Variants in CNTNAP5 observed in about 807,000 individuals in gnomAD.
CNTNAP5 encodes the protein contactin-associated protein-like 5.
A neutral mutation model predicts 150.2 loss-of-function variants in CNTNAP5; 72 were observed. The observed-to-expected ratio is 0.48, with a 90% CI of 0.40 to 0.58. The LOEUF (loss-of-function observed/expected upper bound fraction) is 0.58. CNTNAP5 is among the 20% of genes least tolerant of loss of function. The pLI is 0.00. For synonymous variants in CNTNAP5, 672 were observed against 619.8 expected, an observed-to-expected ratio of 1.08 and a Z score of -1.25; for missense variants, 1,636 against 1,626.2, an observed-to-expected ratio of 1.01 and a Z score of -0.10.
At chr2:124,036,097 T>C (rs1342394408) in intron 1 of CNTNAP5, among the ~76,000 whole-genome samples, 1 of 150,178 alleles carries the variant, frequency 6.7e-6, no homozygotes, top group African/African-American at 2.5e-5. Flanking sequence ...GCTAATTTTT[T>C]GTATTTTTAG....
intron 1 of CNTNAP5, among the ~76,000 whole-genome samples, chr2:124,095,973 A>T (rs1197526249): frequency 6.6e-6 from 1 of 152,192 alleles, no homozygotes; most frequent in Non-Finnish European, 1.5e-5. Context: ...TTGCATAGTG[A>T]GCAGATTGCA....
At chr2:124,155,041 G>A (rs904183888) in intron 1 of CNTNAP5, among the ~76,000 whole-genome samples, 2 of 150,866 alleles carry the variant, frequency 1.3e-5, no homozygotes, top group Non-Finnish European at 2.9e-5. Flanking sequence ...TTCATGGGGA[G>A]GGACTCTGCT....
chr2:124,898,074 C>T (rs1678343688), intron 21 of CNTNAP5, among the ~76,000 whole-genome samples: 1 of 151,016 alleles, frequency 6.6e-6, no homozygotes, highest in African/African-American at 2.5e-5. Flanking sequence ...AGTTTTCAAA[C>T]TGTTTGTCCC....
At chr2:124,778,549 G>T in intron 17 of CNTNAP5, 1 of 153,966 alleles carries the variant, frequency 6.5e-6, no homozygotes, top group South Asian at 2.1e-4. Flanking sequence ...TCAATACCCA[G>T]ACCGAGTTTG....
chr2:124,772,149 T>G (rs1464905456), intron 16 of CNTNAP5, among the ~76,000 whole-genome samples: 1 of 152,104 alleles, frequency 6.6e-6, no homozygotes, highest in Non-Finnish European at 1.5e-5. Context: ...CATTGTCATT[T>G]CACCATCATC....
chr2:124,459,970 C>T (rs1693209430), intron 6 of CNTNAP5, among the ~76,000 whole-genome samples: 1 of 152,110 alleles, frequency 6.6e-6, no homozygotes, highest in Non-Finnish European at 1.5e-5. Flanking sequence ...ATTGGTCAGG[C>T]TTTGGTCTTA....
At chr2:124,501,559 C>T (rs950109645) in intron 7 of CNTNAP5, among the ~76,000 whole-genome samples, 4 of 152,154 alleles carry the variant, frequency 2.6e-5, no homozygotes, top group South Asian at 2.1e-4. Context: ...CCTCAAATGC[C>T]GTCTTGAGAC....
chr2:124,568,580 C>T (rs1696083477), intron 11 of CNTNAP5, among the ~76,000 whole-genome samples: 1 of 152,170 alleles, frequency 6.6e-6, no homozygotes, highest in African/African-American at 2.4e-5. Flanking sequence ...TTTAATAACT[C>T]CAAATTATTT....
intron 1 of CNTNAP5, among the ~76,000 whole-genome samples, chr2:124,202,945 G>T (rs553495679): frequency 2.6e-5 from 4 of 152,058 alleles, no homozygotes; most frequent in South Asian, 4.2e-4. Flanking sequence ...TCATATCCTC[G>T]CATTTTAAAG....
intron 3 of CNTNAP5, among the ~76,000 whole-genome samples, chr2:124,341,319 A>G (rs1343821931): frequency 6.6e-6 from 1 of 152,124 alleles, no homozygotes; most frequent in Admixed American, 6.6e-5. Flanking sequence ...ATTGGTTCTG[A>G]AGCTGCTACT....
rs138492293 is a variant in CNTNAP5 at position 124,255,581 on chromosome 2, A to G, written c.381+13188A>G. Among the ~76,000 whole-genome samples, 39 of 45,550 alleles carry G rather than the reference A, an allele frequency of 8.6e-4. 1 individual carries two copies. The highest frequency in any genetic ancestry group is 2.8e-3 in the African/African-American group (36 of 12,676). 29.9% of individuals were successfully genotyped at this position (45,550 alleles called of 152,430 possible). On this transcript the variant is annotated intron_variant, in intron 3 of 23. Transcript: ENST00000682447. ...AAATAAAATAAAATAAAATAAAATA[A>G]AATAATAATTTTTTTTTAAAAAGTA...
chr2:124,850,510 C>T (rs1683132965), intron 19 of CNTNAP5, among the ~76,000 whole-genome samples: 1 of 152,174 alleles, frequency 6.6e-6, no homozygotes. Flanking sequence ...AAAGCATCCT[C>T]CCCTTGAACC....
At chr2:124,831,526 T>C (rs114750213) in intron 19 of CNTNAP5, among the ~76,000 whole-genome samples, 14 of 151,150 alleles carry the variant, frequency 9.3e-5, no homozygotes, top group South Asian at 6.2e-4. Context: ...AAAAACCATA[T>C]TTTTGCATAC....
intron 13 of CNTNAP5, among the ~76,000 whole-genome samples, chr2:124,726,274 C>T (rs540711442): frequency 2.6e-5 from 4 of 152,158 alleles, no homozygotes; most frequent in African/African-American, 9.6e-5. Flanking sequence ...TTGTAATCCC[C>T]GTGTGTCAAG....
chr2:124,150,667 GAAAA>G (rs1270133449), intron 1 of CNTNAP5, among the ~76,000 whole-genome samples: 1 of 152,006 alleles, frequency 6.6e-6, no homozygotes, highest in Non-Finnish European at 1.5e-5. Flanking sequence ...AAGAGAAAAA[GAAAA>G]AGAAAGAGAA....
intron 13 of CNTNAP5, among the ~76,000 whole-genome samples, chr2:124,735,896 TC>T (rs746274673): frequency 1.7e-4 from 26 of 152,160 alleles, no homozygotes; most frequent in Admixed American, 5.2e-4. Context: ...CCAACTTTCC[TC>T]ACTGGTTTGT....
intron 13 of CNTNAP5, among the ~76,000 whole-genome samples, chr2:124,684,964 T>C (rs971708440): frequency 2.0e-5 from 3 of 152,134 alleles, no homozygotes; most frequent in Non-Finnish European, 4.4e-5. Flanking sequence ...CAGGCCTTCC[T>C]ATGCTTACAG....
intron 10 of CNTNAP5, among the ~76,000 whole-genome samples, chr2:124,534,168 A>G (rs1186042377): frequency 6.6e-6 from 1 of 152,064 alleles, no homozygotes; most frequent in Non-Finnish European, 1.5e-5. Flanking sequence ...AAAGTGAGGG[A>G]GTTGGACTGG....
At chr2:124,154,087 A>G (rs776949808) in intron 1 of CNTNAP5, among the ~76,000 whole-genome samples, 1 of 152,140 alleles carries the variant, frequency 6.6e-6, no homozygotes, top group Admixed American at 6.5e-5. Flanking sequence ...AAGTAGATAC[A>G]TCAGTTATTT....
Sources: allele counts gnomAD v4.1 joint callset (sites outside exome capture counted in the v4.1 genomes callset), GRCh38; gene constraint gnomAD v4.1.1; transcripts MANE v1.5; gene names NCBI Gene and HGNC (gene_info 2026-07-23, HGNC 2026-07-21).